The following HEXIM2 variants were observed in gnomAD, a reference collection of about 807,000 sequenced individuals.
HEXIM2 encodes HEXIM P-TEFb complex subunit 2.
For missense variants in HEXIM2, 413 were observed against 390.8 expected, an observed-to-expected ratio of 1.06 and a Z score of -0.48; for synonymous variants, 159 against 162.7, an observed-to-expected ratio of 0.98 and a Z score of 0.17.
chr17:45,169,226 G>C lies in HEXIM2; in HGVS notation c.278G>C (p.Arg93Pro). The C allele has an allele frequency of 3.7e-6, 6 of 1,613,594 alleles. No individual in the cohort carries two copies. Among genetic ancestry groups the C allele is most frequent in the Non-Finnish European group, 4.2e-6 (5 of 1,180,024 alleles). The change falls in exon 4 of 4, where the codon CGG (arginine) becomes CCG (proline). Residue 93 changes from arginine to proline, a missense_variant. Arg to Pro is a moderately radical substitution (Grantham distance 103). Coordinates refer to ENST00000589230, the MANE Select transcript of HEXIM2 (RefSeq NM_001303441.2). ...EAVLARKKHR[R>P]RPSKRKRHWR... is the part of the protein sequence containing the mutation. ...GTGCTGGCCCGGAAGAAACACCGTC[G>C]GCGGCCATCGAAGCGCAAAAGGCAC...
chr17:45,162,127 G>A, intron 1 of HEXIM2, 96 bp downstream of exon 1: 1 of 487,998 alleles, frequency 2.0e-6, no homozygotes, highest in Non-Finnish European at 2.7e-6. Flanking sequence ...CCAGCTGCAT[G>A]TAGTGCAAAG....
intron 1 of HEXIM2, among the ~76,000 whole-genome samples, 177 bp from the exon 2 acceptor site, chr17:45,162,311 G>A (rs1470014064): frequency 6.6e-6 from 1 of 152,178 alleles, no homozygotes; most frequent in African/African-American, 2.4e-5. Context: ...CAAGATTGGG[G>A]CCACTGGAGA....
At chr17:45,163,830 C>A (rs994313456) in intron 3 of HEXIM2, among the ~76,000 whole-genome samples, 8 of 151,994 alleles carry the variant, frequency 5.3e-5, no homozygotes, top group African/African-American at 1.9e-4. Context: ...GCCTGGGCGA[C>A]AGAGTGACAC....
At chr17:45,168,399 C>A (rs1243471624) in intron 3 of HEXIM2, among the ~76,000 whole-genome samples, 1 of 151,518 alleles carries the variant, frequency 6.6e-6, no homozygotes, top group Non-Finnish European at 1.5e-5. Context: ...TGGAGAATTC[C>A]GGAGGCAGAG....
chr17:45,160,974 C>T (rs749104601), upstream of HEXIM2: 31 of 1,288,318 alleles, frequency 2.4e-5, 1 homozygote, highest in Admixed American at 5.5e-4. Context: ...TCTCCGCTCT[C>T]GGAGCCTCCA....
Position 45,162,732 on chromosome 17 carries a change from T to TG in HEXIM2, c.-44-17dup, listed in dbSNP as rs1181140881. The TG allele has an allele frequency of 6.2e-7, 1 of 1,601,464 alleles. No homozygotes were observed. The highest frequency in any genetic ancestry group is 1.3e-5 in the African/African-American group (1 of 74,700). On this transcript the variant is annotated splice_polypyrimidine_tract_variant and intron_variant, in intron 2 of 3. Transcript: ENST00000589230. ...GACGTTCCTTCAGGATTTAGGTTTC[T>TG]GTTGTTGTTCAAAGCAGGTGTCACT... is the stretch of plus-strand genomic sequence containing the variant.
chr17:45,169,409 A>T lies in HEXIM2; in HGVS notation c.461A>T (p.Glu154Val), dbSNP rs767927035. 1.2e-6 allele frequency: 2 copies of T among 1,613,954 alleles called. No individual in the cohort carries two copies. The highest frequency in any genetic ancestry group is 3.3e-5 in the Admixed American group (2 of 60,010). ...TQFLMNDRDP[E>V]EPNLDVPHGI... The stretch of plus-strand genomic sequence containing the variant: ...TTCCTGATGAATGACAGGGACCCGG[A>T]GGAGCCCAACTTGGATGTGCCCCAT... The change falls in exon 4 of 4, where the codon GAG becomes GTG. Residue 154 changes from glutamate to valine, a missense_variant. Physicochemically the swap from Glu to Val is moderately radical, Grantham distance 121. Coordinates refer to ENST00000589230, the MANE Select transcript of HEXIM2 (RefSeq NM_001303441.2).
chr17:45,162,793 G>C lies in HEXIM2; in HGVS notation c.-1G>C, dbSNP rs749146624. Reference sequence around the variant, plus strand: ...GTCTGCTGAAAGATTTGGAACAGAAGATGATGGCCACTCCGAACCAGACCG... The same window carrying C: ...GTCTGCTGAAAGATTTGGAACAGAACATGATGGCCACTCCGAACCAGACCG... On this transcript the variant is annotated 5_prime_UTR_variant, in exon 3 of 4. Coordinates refer to ENST00000589230, the MANE Select transcript of HEXIM2 (RefSeq NM_001303441.2). 4 of 1,613,982 alleles carry C rather than the reference G, an allele frequency of 2.5e-6. No individual in the cohort carries two copies. Among genetic ancestry groups the C allele is most frequent in the East Asian group, 2.2e-5 (1 of 44,876 alleles).
At chr17:45,162,693 G>A in intron 2 of HEXIM2, 57 bp from the exon 3 acceptor site, 1 of 1,598,100 alleles carries the variant, frequency 6.3e-7, no homozygotes. Context: ...ATTCTGGGCA[G>A]CCAGAGTATT....
chr17:45,162,153 TCTC>T (rs2042716308), intron 1 of HEXIM2, 122 bp downstream of exon 1: 1 of 375,716 alleles, frequency 2.7e-6, no homozygotes, highest in South Asian at 1.1e-4. Flanking sequence ...TTTCCCCTTT[TCTC>T]CTGTTTCCCT....
chr17:45,162,792 A>T lies in HEXIM2; in HGVS notation c.-2A>T, dbSNP rs1404143391. The T allele has an allele frequency of 6.2e-7, 1 of 1,613,980 alleles. No individual in the cohort carries two copies. Among genetic ancestry groups the T allele is most frequent in the South Asian group, 1.1e-5 (1 of 91,074 alleles). ...CGTCTGCTGAAAGATTTGGAACAGA[A>T]GATGATGGCCACTCCGAACCAGACC... is the stretch of plus-strand genomic sequence containing the variant. On this transcript the variant is annotated 5_prime_UTR_variant, in exon 3 of 4. It adds an upstream start codon to the 5' untranslated region. Transcript: ENST00000589230.
upstream of HEXIM2, chr17:45,161,102 C>A (rs963577343): frequency 3.4e-5 from 17 of 503,804 alleles, no homozygotes; most frequent in Non-Finnish European, 5.3e-5. Flanking sequence ...TCCCTCTGTG[C>A]GGGGCCTCGC....
chr17:45,160,958 C>T (rs1365452098), upstream of HEXIM2: 2 of 1,289,568 alleles, frequency 1.6e-6, no homozygotes, highest in African/African-American at 1.5e-5. Flanking sequence ...GGTGGGTGCA[C>T]TGGGATCTCC....
At chr17:45,160,753 G>A (rs2042662127), upstream of HEXIM2, 1 of 441,818 alleles carries the variant, frequency 2.3e-6, no homozygotes, top group Non-Finnish European at 4.5e-6. Context: ...AGGTTGTCCG[G>A]AGAATCGGGG....
In HEXIM2 at chr17:45,169,171, C is replaced by T. The variant is rs370295565; in HGVS notation, c.223C>T (p.Gln75Ter). The part of the protein sequence containing the change: ...LGWNSRSPRT[Q>*]SPGGCSAEAV... ...CTGGAACAGTAGGAGTCCCCGGACC[C>T]AGAGCCCAGGGGGCTGCTCAGCGGA... is the stretch of plus-strand genomic sequence containing the variant. Residue 75 changes from glutamine (Q) to a stop codon, truncating the protein, a stop_gained, in exon 4 of 4, where the codon CAG becomes TAG. Coordinates refer to ENST00000589230, the MANE Select transcript of HEXIM2 (RefSeq NM_001303441.2). LOFTEE classifies it low-confidence loss of function (END_TRUNC). The T allele has an allele frequency of 6.2e-7, 1 of 1,613,796 alleles. No individual in the cohort carries two copies. Among genetic ancestry groups the T allele is most frequent in the Non-Finnish European group, 8.5e-7 (1 of 1,180,032 alleles).
chr17:45,169,881 AGGAGGCAGGTGGCAG>A lies in HEXIM2; in HGVS notation c.*73_*87del. 7.5e-7 allele frequency: 1 copy of A among 1,325,970 alleles called. No homozygotes were observed. The highest frequency in any genetic ancestry group is 9.9e-7 in the Non-Finnish European group (1 of 1,014,652). The allele number at this position is 1,325,970 out of a possible 1,614,324, so 82.1% of individuals were successfully genotyped here. A position where few individuals can be genotyped will look rare whatever the true frequency, so the allele number is the denominator to read the frequency against. On this transcript the variant is annotated 3_prime_UTR_variant, in exon 4 of 4. Coordinates refer to ENST00000589230, the MANE Select transcript of HEXIM2 (RefSeq NM_001303441.2). ...GCACACTCAGGCCAGCTGGGTCTCA[AGGAGGCAGGTGGCAG>A]ATGAAAACCACCGTCAACACCCTGT...
intron 3 of HEXIM2, among the ~76,000 whole-genome samples, chr17:45,166,411 G>A (rs866538054): frequency 2.0e-5 from 3 of 152,330 alleles, no homozygotes; most frequent in Middle Eastern, 6.8e-3. Context: ...ACCAGCGTGA[G>A]CCACTACACC....
upstream of HEXIM2, chr17:45,161,730 A>T: frequency 1.7e-6 from 1 of 585,102 alleles, no homozygotes; most frequent in South Asian, 7.5e-5. Flanking sequence ...CAATCAAAGA[A>T]GGCAGTGATG....
chr17:45,165,827 C>G (rs959680726), intron 3 of HEXIM2, among the ~76,000 whole-genome samples: 10 of 152,016 alleles, frequency 6.6e-5, no homozygotes, highest in Admixed American at 5.2e-4. Context: ...CAGAGTCTTA[C>G]TCTGTTGCCC....
Sources: gnomAD v4.1 joint callset for allele counts (sites outside exome capture counted in the v4.1 genomes callset) on GRCh38, gnomAD v4.1.1 for gene constraint, MANE v1.5 for transcripts, NCBI Gene and HGNC (gene_info 2026-07-23, HGNC 2026-07-21) for gene names.